VWA8: variants seen among roughly 807,000 people sequenced by gnomAD.
The protein encoded by VWA8 is von Willebrand factor A domain-containing protein 8.
Under a neutral mutation model 241.5 loss-of-function variants are expected in VWA8, and 221 were observed. That is an observed-to-expected ratio of 0.91 (90% CI 0.82 to 1.02). The LOEUF (loss-of-function observed/expected upper bound fraction) is 1.02, where lower values mean the gene tolerates loss of function less well. Among genes scored for constraint, VWA8 ranks in the 50% least tolerant of loss-of-function variants. VWA8 has a pLI of 0.00. For synonymous variants in VWA8, 852 were observed against 827.1 expected (o/e 1.03, Z -0.52); for missense variants, 2,322 against 2,328.7 (o/e 1.00, Z 0.06).
Position 41,761,191 on chromosome 13 carries a change from T to C in VWA8, c.2363A>G (p.Asn788Ser). ...GTGAAGGAATCTGTCAACAATCTTG[T>C]TTTTTCCTACACCCTGTAATTACAC... The part of the protein sequence containing the change: ...LLVGNQGVGK[N>S]KIVDRFLHLL... The change falls in exon 21 of 45, where the codon AAC becomes AGC. Residue 788 changes from asparagine (N) to serine (S), a missense_variant. By Grantham distance (46) the Asn-to-Ser change is conservative (BLOSUM62 1). Coordinates refer to ENST00000379310, the MANE Select transcript of VWA8 (RefSeq NM_015058.2). 1 of 1,611,536 alleles carries C rather than the reference T, an allele frequency of 6.2e-7. No homozygotes were observed.
intron 26 of VWA8, among the ~76,000 whole-genome samples, chr13:41,709,334 G>A (rs1232158300): frequency 2.6e-5 from 4 of 152,110 alleles, no homozygotes; most frequent in African/African-American, 9.7e-5. Context: ...CATTGCCACG[G>A]CCACAATGTG....
At chr13:41,889,725 A>T (rs1308005299) in intron 5 of VWA8, among the ~76,000 whole-genome samples, 2 of 152,158 alleles carry the variant, frequency 1.3e-5, no homozygotes, top group Non-Finnish European at 2.9e-5. Context: ...ATCCAAAGTA[A>T]TATGTTCAAT....
intron 2 of VWA8, among the ~76,000 whole-genome samples, chr13:41,915,939 C>T (rs548836916): frequency 4.6e-5 from 7 of 152,206 alleles, no homozygotes; most frequent in Admixed American, 1.3e-4. Flanking sequence ...AACATACAAA[C>T]GATTTTTCAC....
At chr13:41,881,928 G>A (rs1251803472) in intron 9 of VWA8, among the ~76,000 whole-genome samples, 1 of 151,190 alleles carries the variant, frequency 6.6e-6, no homozygotes, top group African/African-American at 2.4e-5. Context: ...CCTCCCGGAC[G>A]GGGTGGCTGC....
Position 41,673,472 on chromosome 13 carries a change from A to T in VWA8, c.4409+1743T>A, listed in dbSNP as rs561070965. Among the ~76,000 whole-genome samples the T allele has an allele frequency of 3.4e-4, 52 of 152,320 alleles. 1 individual carries two copies. The South Asian group carries it at 8.5e-3, about 25-fold the overall frequency. On this transcript the variant is annotated intron_variant, in intron 36 of 44. Coordinates refer to ENST00000379310, the MANE Select transcript of VWA8 (RefSeq NM_015058.2). ...ACTCAGGACATACTGACAATGAAACAGACTCTAAATTCATACTGACAATGA... is the reference window on the plus strand; with the variant it reads ...ACTCAGGACATACTGACAATGAAACTGACTCTAAATTCATACTGACAATGA...
intron 26 of VWA8, 42 bp downstream of exon 26, chr13:41,719,546 AACT>A (rs759945377): frequency 5.1e-5 from 82 of 1,607,224 alleles, no homozygotes; most frequent in Non-Finnish European, 6.8e-5. Context: ...ATAAATCAAG[AACT>A]ATCAGCATTT....
At chr13:41,817,600 A>C (rs1237956278) in intron 15 of VWA8, among the ~76,000 whole-genome samples, 1 of 152,216 alleles carries the variant, frequency 6.6e-6, no homozygotes, top group Non-Finnish European at 1.5e-5. Context: ...TTATTCTTTA[A>C]ATCAATCCTA....
chr13:41,772,424 A>G (rs1051152772), intron 20 of VWA8, among the ~76,000 whole-genome samples: 1 of 151,108 alleles, frequency 6.6e-6, no homozygotes, highest in African/African-American at 2.4e-5. Context: ...TGTTAATTGG[A>G]AAGTCATACT....
intron 21 of VWA8, among the ~76,000 whole-genome samples, chr13:41,743,910 T>C (rs917730625): frequency 4.6e-5 from 7 of 152,320 alleles, no homozygotes; most frequent in African/African-American, 7.2e-5. Flanking sequence ...AATGCAACTA[T>C]ACCCCAGCTA....
intron 17 of VWA8, among the ~76,000 whole-genome samples, chr13:41,809,268 T>G (rs780204234): frequency 1.3e-5 from 2 of 152,096 alleles, no homozygotes; most frequent in Non-Finnish European, 2.9e-5. Flanking sequence ...TCCTAAAATT[T>G]ATATGAAACC....
chr13:41,645,240 G>A (rs963643190), intron 37 of VWA8, among the ~76,000 whole-genome samples: 1 of 152,158 alleles, frequency 6.6e-6, no homozygotes, highest in Non-Finnish European at 1.5e-5. Flanking sequence ...ATTATTTTAG[G>A]AGAGTGAAAA....
chr13:41,788,423 A>T (rs754788416), intron 17 of VWA8, among the ~76,000 whole-genome samples: 3 of 152,216 alleles, frequency 2.0e-5, no homozygotes, highest in Non-Finnish European at 2.9e-5. Context: ...ACAAGCATGT[A>T]AAGAACTGTC....
At chr13:41,787,676 G>A (rs976594178) in intron 17 of VWA8, 133 bp from the exon 18 acceptor site, 3 of 614,176 alleles carry the variant, frequency 4.9e-6, no homozygotes, top group Non-Finnish European at 8.5e-6. Flanking sequence ...GATCAGTCTG[G>A]ATCTGTAAAA....
chr13:41,729,563 C>G lies in VWA8; in HGVS notation c.2617G>C (p.Asp873His). The G allele has an allele frequency of 6.2e-7, 1 of 1,611,978 alleles. No homozygotes were observed. The highest frequency in any genetic ancestry group is 8.5e-7 in the Non-Finnish European group (1 of 1,179,104). ...LVENGEMILA[D>H]GRRIVANSAN... The stretch of plus-strand genomic sequence containing the variant: ...TCACTTGCAACAATGCGTCTTCCAT[C>G]TGCTAGAATCATTTCTCCATTTTCT... Residue 873 changes from aspartate (D) to histidine (H), a missense_variant, in exon 23 of 45, where the codon GAT becomes CAT. Transcript: ENST00000379310.
At chr13:41,845,338 T>C (rs544627685) in intron 12 of VWA8, among the ~76,000 whole-genome samples, 39 of 152,218 alleles carry the variant, frequency 2.6e-4, no homozygotes, top group African/African-American at 9.4e-4. Flanking sequence ...CTGGCGAGAT[T>C]GTGGAAAAAA....
At chr13:41,631,448 G>A (rs1158963756) in intron 37 of VWA8, among the ~76,000 whole-genome samples, 3 of 152,044 alleles carry the variant, frequency 2.0e-5, no homozygotes, top group Non-Finnish European at 2.9e-5. Context: ...GTTTCAGGCC[G>A]AGCTCCTCAC....
intron 2 of VWA8, among the ~76,000 whole-genome samples, chr13:41,942,499 G>C (rs1877647376): frequency 6.6e-6 from 1 of 152,156 alleles, no homozygotes; most frequent in African/African-American, 2.4e-5. Context: ...AATCTGCATA[G>C]ATGTGTCAGG....
At chr13:41,808,975 T>C (rs1870346954) in intron 17 of VWA8, among the ~76,000 whole-genome samples, 1 of 151,408 alleles carries the variant, frequency 6.6e-6, no homozygotes, top group African/African-American at 2.4e-5. Context: ...GTGAACAATG[T>C]GAAAAAGAAA....
intron 20 of VWA8, among the ~76,000 whole-genome samples, chr13:41,768,151 C>T (rs2045792266): frequency 6.6e-6 from 1 of 152,182 alleles, no homozygotes; most frequent in Non-Finnish European, 1.5e-5. Context: ...GCTGCTGGAG[C>T]TATTAGACAC....
Sources: gnomAD v4.1 joint callset for allele counts (sites outside exome capture counted in the v4.1 genomes callset) on GRCh38, gnomAD v4.1.1 for gene constraint, MANE v1.5 for transcripts, NCBI Gene and HGNC (gene_info 2026-07-23, HGNC 2026-07-21) for gene names.